The following ZC3H12B variants were observed in gnomAD, a reference collection of about 807,000 sequenced individuals.
ZC3H12B encodes the protein zinc finger CCCH-type containing 12B.
Under a neutral mutation model 43.9 loss-of-function variants are expected in ZC3H12B, and 7 were observed. The observed-to-expected ratio is 0.16, with a 90% CI of 0.09 to 0.30. The LOEUF (loss-of-function observed/expected upper bound fraction) is 0.30. Among genes scored for constraint, ZC3H12B ranks in the 10% least tolerant of loss-of-function variants. ZC3H12B has a pLI of 1.00. For missense variants in ZC3H12B, 475 were observed against 670.2 expected (o/e 0.71, Z 3.22); for synonymous variants, 222 against 241.7 (o/e 0.92, Z 0.76).
chrX:65,469,636 C>CCAATCCAGGTCTAGCCACTGACTAGA (rs2067879242), intron 3 of ZC3H12B: 1 of 194,417 alleles, frequency 5.1e-6, no homozygotes, highest in Non-Finnish European at 9.7e-6. Flanking sequence ...TGACTCTGTC[C>CCAATCCAGGTCTAGCCACTGACTAGA]TTGGGAAGTT....
At chrX:65,202,458 C>G in the ZC3H12B span, among the ~76,000 whole-genome samples, 1 of 109,522 alleles carries the variant, frequency 9.1e-6, no homozygotes, top group African/African-American at 3.3e-5. Context: ...GCACTCAAAT[C>G]CCAGTAATGC....
intron 3 of ZC3H12B, among the ~76,000 whole-genome samples, chrX:65,425,832 G>A (rs1190006350): frequency 9.0e-6 from 1 of 111,539 alleles, no homozygotes; most frequent in Non-Finnish European, 1.9e-5. Flanking sequence ...TGGTGGATAA[G>A]CTTTTTGATA....
At chrX:65,212,750 T>C in the ZC3H12B span, among the ~76,000 whole-genome samples, 1 of 96,716 alleles carries the variant, frequency 1.0e-5, no homozygotes, top group Non-Finnish European at 2.0e-5. Flanking sequence ...TATATGTTTC[T>C]CTTAACGTTT....
At chrX:65,082,285 A>T in the ZC3H12B span, among the ~76,000 whole-genome samples, 11 of 111,933 alleles carry the variant, frequency 9.8e-5, 1 homozygote, top group South Asian at 4.0e-3. Context: ...AGTAGAAATG[A>T]ATAAAATTGA....
chrX:65,345,619 A>G, the ZC3H12B span, among the ~76,000 whole-genome samples: 2 of 111,510 alleles, frequency 1.8e-5, no homozygotes, highest in African/African-American at 6.5e-5. Context: ...GGGTGACAAA[A>G]TAATCTGTAC....
At chrX:65,158,850 G>C in the ZC3H12B span, among the ~76,000 whole-genome samples, 2 of 111,852 alleles carry the variant, frequency 1.8e-5, no homozygotes, top group African/African-American at 6.5e-5. Context: ...CCTTGCCCAT[G>C]CCTGTGTCCT....
the ZC3H12B span, among the ~76,000 whole-genome samples, chrX:65,251,123 A>G: frequency 8.9e-6 from 1 of 112,035 alleles, no homozygotes; most frequent in African/African-American, 3.2e-5. Context: ...TATAAGGTGT[A>G]AGGAAGGGAT....
chrX:65,488,541 C>T (rs1416898965), upstream of ZC3H12B: 1 of 211,015 alleles, frequency 4.7e-6, no homozygotes, highest in Non-Finnish European at 8.3e-6. Flanking sequence ...AGAAGAAAAA[C>T]CAAATGCCAA....
chrX:65,386,765 T>C (rs1237905929), intron 2 of ZC3H12B, among the ~76,000 whole-genome samples: 1 of 111,702 alleles, frequency 9.0e-6, no homozygotes, highest in Non-Finnish European at 1.9e-5. Flanking sequence ...TCTTTCCCGC[T>C]TTCTCTTGTG....
intron 3 of ZC3H12B, among the ~76,000 whole-genome samples, chrX:65,407,411 C>A (rs1602393121): frequency 8.8e-6 from 1 of 113,024 alleles, no homozygotes; most frequent in East Asian, 2.8e-4. Flanking sequence ...TCCGCACTTT[C>A]CCCGCCTAGT....
intron 3 of ZC3H12B, among the ~76,000 whole-genome samples, chrX:65,466,084 A>C (rs1222326607): frequency 9.0e-6 from 1 of 110,525 alleles, no homozygotes; most frequent in Non-Finnish European, 1.9e-5. Context: ...ATATTGTTGT[A>C]CATTAGATCA....
intron 3 of ZC3H12B, among the ~76,000 whole-genome samples, chrX:65,471,608 G>C (rs1415435856): frequency 9.2e-6 from 1 of 108,646 alleles, no homozygotes; most frequent in Non-Finnish European, 1.9e-5. Context: ...GCACCACCAT[G>C]CCTGGCTAGT....
the ZC3H12B span, among the ~76,000 whole-genome samples, chrX:65,092,121 G>T: frequency 8.9e-6 from 1 of 111,867 alleles, no homozygotes; most frequent in African/African-American, 3.3e-5. Context: ...TGAGGTGCCA[G>T]CTCCCCCTTT....
At chrX:65,145,534 T>C in the ZC3H12B span, among the ~76,000 whole-genome samples, 3 of 111,890 alleles carry the variant, frequency 2.7e-5, no homozygotes, top group African/African-American at 9.7e-5. Context: ...GTATACCTTC[T>C]TTTTTGTTGC....
At chrX:65,424,311 G>A (rs896725895) in intron 3 of ZC3H12B, among the ~76,000 whole-genome samples, 3 of 111,940 alleles carry the variant, frequency 2.7e-5, no homozygotes, top group African/African-American at 9.8e-5. Flanking sequence ...TTTTAATGGG[G>A]TTGTTTGTTC....
intron 3 of ZC3H12B, among the ~76,000 whole-genome samples, chrX:65,459,051 C>A (rs1406521705): frequency 1.8e-5 from 2 of 111,507 alleles, no homozygotes; most frequent in African/African-American, 6.5e-5. Flanking sequence ...CACAGAAATA[C>A]AAACTACCAT....
the ZC3H12B span, among the ~76,000 whole-genome samples, chrX:65,239,889 G>A: frequency 9.0e-6 from 1 of 111,258 alleles, no homozygotes. Flanking sequence ...CTTTAAGAAT[G>A]TTGAATATTG....
chrX:65,221,756 G>C, the ZC3H12B span, among the ~76,000 whole-genome samples: 1 of 110,763 alleles, frequency 9.0e-6, no homozygotes, highest in African/African-American at 3.3e-5. Context: ...GCTGAATTCT[G>C]TCAGGCATTC....
the ZC3H12B span, among the ~76,000 whole-genome samples, chrX:65,056,766 G>A: frequency 3.6e-5 from 4 of 111,488 alleles, no homozygotes; most frequent in African/African-American, 1.3e-4. Context: ...TTATGAATCT[G>A]GGTGCTCCTG....
Sources: allele counts gnomAD v4.1 joint callset (sites outside exome capture counted in the v4.1 genomes callset), GRCh38; gene constraint gnomAD v4.1.1; transcripts MANE v1.5; gene names NCBI Gene and HGNC (gene_info 2026-07-23, HGNC 2026-07-21).